Variants in QTRT2 observed in about 807,000 individuals in gnomAD.
The protein encoded by QTRT2 is queuine tRNA-ribosyltransferase accessory subunit 2, also known as queuine tRNA-ribosyltransferase domain containing 1.
Under a neutral mutation model 44.8 loss-of-function variants are expected in QTRT2, and 32 were observed. The observed-to-expected ratio is 0.71, with a 90% CI of 0.54 to 0.96. The LOEUF (loss-of-function observed/expected upper bound fraction) is 0.96, where lower values mean the gene tolerates loss of function less well. Among genes scored for constraint, QTRT2 ranks in the 40% least tolerant of loss-of-function variants. QTRT2 has a pLI of 0.00. For missense variants in QTRT2, 461 were observed against 503.1 expected (o/e 0.92, Z 0.80); for synonymous variants, 182 against 187.4 (o/e 0.97, Z 0.24).
intron 7 of QTRT2, chr3:114,077,364 A>G (rs915311163): frequency 1.8e-5 from 3 of 167,214 alleles, no homozygotes; most frequent in Admixed American, 1.7e-4. Flanking sequence ...TCCACCAACA[A>G]GAACTTAAGA....
In QTRT2 at chr3:114,076,801, G is replaced by T; in HGVS notation, c.605G>T (p.Arg202Met). ...GAAGGTGGAGATGTGATGGAAGAGA[G>T]GCTGAGGTCAGCACGAGAGACAGCC... is the stretch of plus-strand genomic sequence containing the variant. ...VIEGGDVMEE[R>M]LRSARETAKR... The change falls in exon 7 of 10, where the codon AGG (arginine) becomes ATG (methionine). Residue 202 changes from arginine to methionine, a missense_variant. Physicochemically the swap from Arg to Met is moderately conservative, Grantham distance 91 (BLOSUM62 -1). Transcript: ENST00000281273. 1 of 1,614,220 alleles carries T rather than the reference G, an allele frequency of 6.2e-7. No homozygotes were observed. Among genetic ancestry groups the T allele is most frequent in the Non-Finnish European group, 8.5e-7 (1 of 1,180,040 alleles).
chr3:114,072,985 C>CGCTTG (rs1313410269), intron 6 of QTRT2, among the ~76,000 whole-genome samples: 1 of 152,108 alleles, frequency 6.6e-6, no homozygotes, highest in Non-Finnish European at 1.5e-5. Context: ...ATGATCACAT[C>CGCTTG]CCACTATGGC....
intron 5 of QTRT2, 60 bp downstream of exon 5, chr3:114,068,123 G>A (rs2076978565): frequency 3.8e-6 from 5 of 1,325,268 alleles, no homozygotes; most frequent in South Asian, 1.2e-5. Context: ...AGCCTATGGT[G>A]TATCCCTCAG....
At chr3:114,060,860 T>TACAGTGACGGTTGATCTGATCAATGTG (rs2107783961) in intron 2 of QTRT2, among the ~76,000 whole-genome samples, 1 of 152,230 alleles carries the variant, frequency 6.6e-6, no homozygotes, top group African/African-American at 2.4e-5. Context: ...AGCACTGCAA[T>TACAGTGACGGTTGATCTGATCAATGTG]ACAGTGACGG....
chr3:114,077,143 G>A, intron 7 of QTRT2: 3 of 584,006 alleles, frequency 5.1e-6, no homozygotes, highest in East Asian at 2.9e-5. Context: ...ATTTCAGAAT[G>A]TAGAGTAGAG....
intron 2 of QTRT2, among the ~76,000 whole-genome samples, chr3:114,058,388 C>G (rs1377630401): frequency 6.6e-6 from 1 of 152,146 alleles, no homozygotes; most frequent in Non-Finnish European, 1.5e-5. Flanking sequence ...TGTCATTAAT[C>G]GTTTAACAGT....
intron 5 of QTRT2, among the ~76,000 whole-genome samples, chr3:114,069,800 A>C (rs2077001149): frequency 6.6e-6 from 1 of 152,200 alleles, no homozygotes; most frequent in Non-Finnish European, 1.5e-5. Flanking sequence ...TTTTGCTTTT[A>C]GCTCAAAGAT....
chr3:114,072,739 G>A (rs1488655108), intron 6 of QTRT2, among the ~76,000 whole-genome samples: 3 of 152,284 alleles, frequency 2.0e-5, no homozygotes, highest in East Asian at 3.9e-4. Context: ...ACCTGGGTTA[G>A]GGATGGCGAA....
chr3:114,084,165 C>T (rs562909764), intron 9 of QTRT2, among the ~76,000 whole-genome samples: 5 of 151,462 alleles, frequency 3.3e-5, no homozygotes, highest in Non-Finnish European at 5.9e-5. Context: ...TGGGTTCAGG[C>T]GATTCTCCTG....
At chr3:114,066,180 A>G (rs1216299809) in intron 3 of QTRT2, 48 bp from the exon 4 acceptor site, 1 of 1,372,570 alleles carries the variant, frequency 7.3e-7, no homozygotes, top group Non-Finnish European at 1.0e-6. Context: ...CAGAGTATTT[A>G]CAGAATGACA....
chr3:114,056,752 G>T lies in QTRT2; in HGVS notation c.-242G>T. On this transcript the variant is annotated 5_prime_UTR_variant, in exon 1 of 10. Coordinates refer to ENST00000281273, the MANE Select transcript of QTRT2 (RefSeq NM_024638.4). ...GTGATGACGCAGTACTCCCTGATTG[G>T]CTCTGCACTGGAGGCAGTGATTTTG... The T allele has an allele frequency of 7.0e-7, 1 of 1,431,586 alleles. No homozygotes were observed. The allele number at this position is 1,431,586 out of a possible 1,614,324, so 88.7% of individuals were successfully genotyped here. A position where few individuals can be genotyped will look rare whatever the true frequency, so the allele number is the denominator to read the frequency against.
At position 114,076,193 on chromosome 3, in the gene QTRT2, G is replaced by C. The variant is rs146600492; in HGVS notation, c.547-550G>C. Among the ~76,000 whole-genome samples the C allele has an allele frequency of 1.2e-3, 185 of 152,166 alleles. 1 individual carries two copies. Among genetic ancestry groups the C allele is most frequent in the Admixed American group, 2.2e-3 (33 of 15,280 alleles). Reference sequence around the variant, plus strand: ...ATTTACTTATTTTTCTTGAAACATGGTCTCACTCTCTTACCCTGGATGGAA... The same window carrying C: ...ATTTACTTATTTTTCTTGAAACATGCTCTCACTCTCTTACCCTGGATGGAA... On this transcript the variant is annotated intron_variant, in intron 6 of 9. Transcript: ENST00000281273.
At chr3:114,081,211 G>A (rs770112151) in intron 8 of QTRT2, among the ~76,000 whole-genome samples, 15 of 152,164 alleles carry the variant, frequency 9.9e-5, no homozygotes, top group Non-Finnish European at 1.6e-4. Flanking sequence ...GAAATAGTTT[G>A]AATGTTTAAA....
Position 114,086,029 on chromosome 3 carries a change from T to C in QTRT2, c.*125T>C, listed in dbSNP as rs1238075590. 2.4e-5 allele frequency: 19 copies of C among 786,002 alleles called. No individual in the cohort carries two copies. In the East Asian group the frequency reaches 4.6e-4, roughly 19 times the overall value. The allele number at this position is 786,002 out of a possible 1,614,324, so 48.7% of individuals were successfully genotyped here. On this transcript the variant is annotated 3_prime_UTR_variant, in exon 10 of 10. Coordinates refer to ENST00000281273, the MANE Select transcript of QTRT2 (RefSeq NM_024638.4). ...TATTTGGATATAAGGTCTGCTTAAA[T>C]AAAGAATCTTTGTACCAAACTGCCC...
chr3:114,066,534 G>C, intron 4 of QTRT2: 1 of 465,880 alleles, frequency 2.1e-6, no homozygotes, highest in Non-Finnish European at 3.9e-6. Context: ...TGCTTTACAG[G>C]ATTAGGGATA....
intron 5 of QTRT2, chr3:114,068,322 T>C (rs946079972): frequency 2.7e-4 from 99 of 365,426 alleles, no homozygotes; most frequent in African/African-American, 1.9e-3. Flanking sequence ...GTCAAATACA[T>C]GCCAAAAAAA....
chr3:114,068,131 C>A, intron 5 of QTRT2, 68 bp downstream of exon 5: 1 of 1,181,348 alleles, frequency 8.5e-7, no homozygotes, highest in Non-Finnish European at 1.3e-6. Context: ...GTGTATCCCT[C>A]AGATGCTCAG....
intron 5 of QTRT2, among the ~76,000 whole-genome samples, chr3:114,069,611 TATATGTACC>T (rs1182990001): frequency 1.3e-5 from 2 of 152,232 alleles, no homozygotes; most frequent in Non-Finnish European, 2.9e-5. Flanking sequence ...TCCCATGGTA[TATATGTACC>T]ACATTTTCTT....
At position 114,056,880 on chromosome 3, in the gene QTRT2, C is replaced by T; in HGVS notation, c.-130+16C>T. The T allele has an allele frequency of 6.5e-7, 1 of 1,535,686 alleles. No individual in the cohort carries two copies. The highest frequency in any genetic ancestry group is 2.0e-5 in the Admixed American group (1 of 50,906). On this transcript the variant is annotated intron_variant, in intron 1 of 9. Coordinates refer to ENST00000281273, the MANE Select transcript of QTRT2 (RefSeq NM_024638.4). Reference sequence around the variant, plus strand: ...TTGTTGGCAGGTAAGTGCCCCTTTGCCCTGCTGGTGTGGGAGCTGCTAGAG... The same window carrying T: ...TTGTTGGCAGGTAAGTGCCCCTTTGTCCTGCTGGTGTGGGAGCTGCTAGAG...
Sources: gnomAD v4.1 joint callset for allele counts (sites outside exome capture counted in the v4.1 genomes callset) on GRCh38, gnomAD v4.1.1 for gene constraint, MANE v1.5 for transcripts, NCBI Gene and HGNC (gene_info 2026-07-23, HGNC 2026-07-21) for gene names.